Variants in STXBP6 observed in about 807,000 individuals in gnomAD.
STXBP6 encodes syntaxin binding protein 6.
A neutral mutation model predicts 26.9 loss-of-function variants in STXBP6; 21 were observed. The observed-to-expected ratio is 0.78, with a 90% CI of 0.55 to 1.12. The LOEUF (loss-of-function observed/expected upper bound fraction) is 1.12, where lower values mean the gene tolerates loss of function less well. STXBP6 is among the 50% of genes most tolerant of loss of function. STXBP6 has a pLI of 0.00. For missense variants in STXBP6, 232 were observed against 257.9 expected (o/e 0.90, Z 0.69); for synonymous variants, 97 against 92.6 (o/e 1.05, Z -0.27).
chr14:25,023,655 A>G (rs2075298463), intron 1 of STXBP6, among the ~76,000 whole-genome samples: 1 of 152,120 alleles, frequency 6.6e-6, no homozygotes, highest in African/African-American at 2.4e-5. Context: ...AAAAGAAAAA[A>G]AAATTATAAA....
intron 2 of STXBP6, among the ~76,000 whole-genome samples, chr14:24,860,753 G>A (rs1377668430): frequency 6.6e-6 from 1 of 151,302 alleles, no homozygotes; most frequent in Admixed American, 6.6e-5. Context: ...ATAACTTTAT[G>A]TGGCCATTTC....
intron 1 of STXBP6, among the ~76,000 whole-genome samples, chr14:25,019,399 T>C (rs1387269949): frequency 6.6e-6 from 1 of 152,200 alleles, no homozygotes. Flanking sequence ...ATCAAAGAGC[T>C]AACTTAGTAA....
At chr14:24,962,155 T>C (rs1054781784) in intron 2 of STXBP6, among the ~76,000 whole-genome samples, 2 of 152,146 alleles carry the variant, frequency 1.3e-5, no homozygotes, top group African/African-American at 4.8e-5. Context: ...TGCAAACGTA[T>C]ATAGAGATCA....
intron 2 of STXBP6, among the ~76,000 whole-genome samples, chr14:24,934,652 A>T (rs1053467506): frequency 3.9e-5 from 6 of 152,194 alleles, no homozygotes; most frequent in Non-Finnish European, 8.8e-5. Flanking sequence ...AACTAAGACT[A>T]AACAATTGTA....
At chr14:25,032,608 G>A (rs2140473219) in intron 1 of STXBP6, among the ~76,000 whole-genome samples, 1 of 152,336 alleles carries the variant, frequency 6.6e-6, no homozygotes, top group Non-Finnish European at 1.5e-5. Flanking sequence ...TCACCACAGG[G>A]CCTATGCCCT....
chr14:24,993,354 T>A (rs2074521846), intron 1 of STXBP6, among the ~76,000 whole-genome samples: 1 of 152,144 alleles, frequency 6.6e-6, no homozygotes, highest in East Asian at 1.9e-4. Context: ...CCTCCTTTAT[T>A]CTCACTGATC....
intron 2 of STXBP6, among the ~76,000 whole-genome samples, chr14:24,925,701 C>A (rs2072138004): frequency 6.6e-6 from 1 of 152,112 alleles, no homozygotes; most frequent in African/African-American, 2.4e-5. Context: ...AAAGGCCAAC[C>A]AAAACAGTAA....
chr14:24,980,013 GA>G (rs1328965795), intron 1 of STXBP6, among the ~76,000 whole-genome samples: 1 of 152,052 alleles, frequency 6.6e-6, no homozygotes, highest in Non-Finnish European at 1.5e-5. Context: ...TCTTAACAAG[GA>G]AAAAGACAAT....
At chr14:24,939,795 T>A (rs2072737565) in intron 2 of STXBP6, among the ~76,000 whole-genome samples, 1 of 152,218 alleles carries the variant, frequency 6.6e-6, no homozygotes, top group African/African-American at 2.4e-5. Context: ...TATTTTACAT[T>A]TTTTTAATAC....
At chr14:24,892,571 G>A (rs995729184) in intron 2 of STXBP6, among the ~76,000 whole-genome samples, 5 of 152,260 alleles carry the variant, frequency 3.3e-5, no homozygotes, top group East Asian at 3.9e-4. Context: ...TCCCAGAAAA[G>A]TCATGCAGAG....
intron 2 of STXBP6, among the ~76,000 whole-genome samples, chr14:24,887,281 C>G (rs957699174): frequency 1.3e-5 from 2 of 152,018 alleles, no homozygotes; most frequent in Non-Finnish European, 2.9e-5. Context: ...AATTCTGAAC[C>G]TGTTAATTTA....
chr14:24,817,977 G>A (rs559759502), intron 5 of STXBP6: 2 of 448,670 alleles, frequency 4.5e-6, no homozygotes, highest in South Asian at 1.6e-5. Context: ...ACCTGAGCGT[G>A]AGCCTCCAGA....
At chr14:24,916,820 A>C (rs2071787303) in intron 2 of STXBP6, among the ~76,000 whole-genome samples, 1 of 152,098 alleles carries the variant, frequency 6.6e-6, no homozygotes. Flanking sequence ...CAAAATCAGC[A>C]TTTCAATAAA....
In STXBP6 at chr14:25,013,502, A is replaced by ACC. The variant is rs1555341452; in HGVS notation, c.-33+36374_-33+36375dup. The stretch of plus-strand genomic sequence containing the variant: ...CACACACACACACACACACACACAC[A>ACC]CCCCTAAAGGTAAGTGTCTTCTCAT... On this transcript the variant is annotated intron_variant, in intron 1 of 5. Transcript: ENST00000323944. 1.5e-4 allele frequency among the ~76,000 whole-genome samples: 22 copies of ACC among 149,924 alleles called. No individual in the cohort carries two copies. The South Asian group carries it at 2.3e-3, about 16-fold the overall frequency.
chr14:24,931,990 A>G (rs970293624), intron 2 of STXBP6, among the ~76,000 whole-genome samples: 5 of 152,232 alleles, frequency 3.3e-5, no homozygotes, highest in Non-Finnish European at 7.3e-5. Flanking sequence ...GGAGCAGCCC[A>G]TAAGGCGATA....
chr14:24,837,169 A>G (rs1039154907), intron 4 of STXBP6, among the ~76,000 whole-genome samples: 6 of 152,326 alleles, frequency 3.9e-5, no homozygotes, highest in African/African-American at 1.4e-4. Flanking sequence ...CAAGGGGTAG[A>G]AACAGCAGGG....
chr14:24,972,422 GACA>G (rs1379845041), intron 2 of STXBP6, among the ~76,000 whole-genome samples: 2 of 152,138 alleles, frequency 1.3e-5, no homozygotes, highest in Non-Finnish European at 2.9e-5. Flanking sequence ...AAATTAGGCA[GACA>G]ACAGTATATG....
chr14:24,906,583 A>G (rs1472801355), intron 2 of STXBP6, among the ~76,000 whole-genome samples: 7 of 152,200 alleles, frequency 4.6e-5, no homozygotes, highest in Non-Finnish European at 1.0e-4. Flanking sequence ...GATATTTTAA[A>G]GGATTGTTTT....
At position 24,882,186 on chromosome 14, in the gene STXBP6, C is replaced by T. The variant is rs531675278; in HGVS notation, c.155-25029G>A. On this transcript the variant is annotated intron_variant, in intron 2 of 5. Coordinates refer to ENST00000323944, the MANE Select transcript of STXBP6 (RefSeq NM_001394410.1). ...CGAGGTCAGGAGATCGCGACCATCCCGGCTAAAACGGTGAAACCCCGTCTC... is the reference window on the plus strand; with the variant it reads ...CGAGGTCAGGAGATCGCGACCATCCTGGCTAAAACGGTGAAACCCCGTCTC... 5.5e-3 allele frequency among the ~76,000 whole-genome samples: 821 copies of T among 150,514 alleles called. 7 individuals carry two copies. The highest frequency in any genetic ancestry group is 0.019 in the African/African-American group (787 of 40,968).
Sources: allele counts gnomAD v4.1 joint callset (sites outside exome capture counted in the v4.1 genomes callset), GRCh38; gene constraint gnomAD v4.1.1; transcripts MANE v1.5; gene names NCBI Gene and HGNC (gene_info 2026-07-23, HGNC 2026-07-21).